WDR20: variants seen among roughly 807,000 people sequenced by gnomAD.
The protein encoded by WDR20 is WD repeat-containing protein 20.
Under a neutral mutation model 38.7 loss-of-function variants are expected in WDR20, and 3 were observed. The ratio of observed to expected loss-of-function variants is 0.08; its 90% CI spans 0.04 to 0.20. The LOEUF (loss-of-function observed/expected upper bound fraction) is 0.20. Ranked by LOEUF, WDR20 falls within the 10% of genes least tolerant of loss-of-function variation. WDR20 has a pLI of 1.00. For missense variants in WDR20, 559 were observed against 727.7 expected (o/e 0.77, Z 2.67); for synonymous variants, 298 against 285.6 (o/e 1.04, Z -0.44).
At chr14:102,197,922 C>A in intron 2 of WDR20, 1 of 654,532 alleles carries the variant, frequency 1.5e-6, no homozygotes, top group Non-Finnish European at 2.8e-6. Context: ...CTACCACATG[C>A]CCAGCACTGG....
chr14:102,202,158 C>A (rs915585479), intron 2 of WDR20, among the ~76,000 whole-genome samples: 1 of 151,976 alleles, frequency 6.6e-6, no homozygotes, highest in South Asian at 2.1e-4. Flanking sequence ...CCCCACCCTG[C>A]TTCCCTGTGC....
chr14:102,195,069 C>G lies in WDR20; in HGVS notation c.381C>G (p.Val127=), dbSNP rs1032840789. ...TAGTGGGCTTTTCCGCAGGCCAAGTCCAGCTTATAGACCCAATCAAAAAAG... is the reference window on the plus strand; with the variant it reads ...TAGTGGGCTTTTCCGCAGGCCAAGTGCAGCTTATAGACCCAATCAAAAAAG... ...SLLVGFSAGQ[V]QLIDPIKKET... is the part of the protein sequence containing the mutation. The change falls in exon 2 of 3, where the codon GTC becomes GTG. Residue 127 remains valine, a synonymous_variant. Coordinates refer to ENST00000342702, the MANE Select transcript of WDR20 (RefSeq NM_144574.4). 1.3e-5 allele frequency: 21 copies of G among 1,614,092 alleles called. No individual in the cohort carries two copies. Among genetic ancestry groups the G allele is most frequent in the Non-Finnish European group, 1.7e-5 (20 of 1,180,048 alleles).
At chr14:102,149,504 T>G (rs1210525179) in intron 1 of WDR20, among the ~76,000 whole-genome samples, 1 of 152,254 alleles carries the variant, frequency 6.6e-6, no homozygotes, top group Non-Finnish European at 1.5e-5. Context: ...TAAAATGTTG[T>G]GTGCAGATCA....
At chr14:102,219,283 G>A (rs192670088), downstream of WDR20, among the ~76,000 whole-genome samples, 249 of 152,306 alleles carry the variant, frequency 1.6e-3, no homozygotes, top group African/African-American at 5.7e-3. Context: ...TGTTCACCAC[G>A]GCAAAGTGAG....
At chr14:102,142,504 A>G (rs955117870) in intron 1 of WDR20, among the ~76,000 whole-genome samples, 1 of 152,032 alleles carries the variant, frequency 6.6e-6, no homozygotes, top group Non-Finnish European at 1.5e-5. Context: ...CCTAGGCTGG[A>G]GTGCGGTGGC....
intron 1 of WDR20, among the ~76,000 whole-genome samples, chr14:102,193,133 T>C (rs1311857286): frequency 6.6e-6 from 1 of 151,018 alleles, no homozygotes; most frequent in Non-Finnish European, 1.5e-5. Flanking sequence ...GGTTTTTTTT[T>C]TGTTTTTTTT....
chr14:102,197,146 T>C (rs1011014649), intron 2 of WDR20, among the ~76,000 whole-genome samples: 1 of 152,018 alleles, frequency 6.6e-6, no homozygotes, highest in East Asian at 1.9e-4. Context: ...ATTTTACAGA[T>C]GAGGAAATAG....
At chr14:102,180,621 C>T (rs1353646322) in intron 1 of WDR20, among the ~76,000 whole-genome samples, 1 of 152,044 alleles carries the variant, frequency 6.6e-6, no homozygotes, top group African/African-American at 2.4e-5. Flanking sequence ...AAAGTGGGGA[C>T]GTTGTGTTAT....
downstream of WDR20, among the ~76,000 whole-genome samples, chr14:102,219,467 C>A (rs1448796504): frequency 6.6e-6 from 1 of 152,270 alleles, no homozygotes; most frequent in Non-Finnish European, 1.5e-5. Context: ...GCAGGCCCAG[C>A]ACACTCCAGG....
At chr14:102,194,252 C>T (rs187854828) in intron 1 of WDR20, among the ~76,000 whole-genome samples, 18 of 152,274 alleles carry the variant, frequency 1.2e-4, no homozygotes, top group Admixed American at 7.8e-4. Flanking sequence ...ATTATGGCCT[C>T]GATAAGTAAT....
At chr14:102,193,268 C>T (rs1039529931) in intron 1 of WDR20, among the ~76,000 whole-genome samples, 3 of 152,110 alleles carry the variant, frequency 2.0e-5, no homozygotes, top group Admixed American at 2.0e-4. Context: ...CCGTGGCCAT[C>T]GTCCCAGGCC....
chr14:102,168,948 C>T (rs957146991), intron 1 of WDR20, among the ~76,000 whole-genome samples: 1 of 152,220 alleles, frequency 6.6e-6, no homozygotes, highest in Non-Finnish European at 1.5e-5. Context: ...ATCGTTTAAA[C>T]AGTATAGGTC....
intron 1 of WDR20, among the ~76,000 whole-genome samples, chr14:102,144,495 A>AG (rs2052838820): frequency 6.6e-6 from 1 of 151,816 alleles, no homozygotes; most frequent in East Asian, 1.9e-4. Flanking sequence ...AAAAAAAAAA[A>AG]AAGATTGTTT....
chr14:102,197,906 G>C (rs915244505), intron 2 of WDR20: 2 of 675,452 alleles, frequency 3.0e-6, no homozygotes, highest in Non-Finnish European at 5.4e-6. Context: ...TCAGGACCTT[G>C]ACTACCTACC....
intron 2 of WDR20, among the ~76,000 whole-genome samples, chr14:102,201,485 A>G (rs567160358): frequency 2.2e-4 from 33 of 152,284 alleles, no homozygotes; most frequent in Non-Finnish European, 3.4e-4. Flanking sequence ...CATTTTAACT[A>G]GTGTATTTTG....
At chr14:102,214,108 G>A (rs2062910010), downstream of WDR20, 2 of 985,594 alleles carry the variant, frequency 2.0e-6, no homozygotes, top group Non-Finnish European at 2.4e-6. Context: ...GCCCTTGGCT[G>A]AGGTTTCGTT....
At position 102,202,385 on chromosome 14, in the gene WDR20, T is replaced by G. The variant is rs1239577504; in HGVS notation, c.433-6218T>G. ...CCCTGTATGGAGGTTTTTTTTTTTT[T>G]TTTTTTTTTTTTGAGACGGAGTCTC... On this transcript the variant is annotated intron_variant, in intron 2 of 2. Transcript: ENST00000342702. Among the ~76,000 whole-genome samples the G allele has an allele frequency of 3.6e-5, 5 of 138,984 alleles. No homozygotes were observed. The East Asian group carries it at 6.4e-4, about 18-fold the overall frequency. 91.2% of individuals were successfully genotyped at this position (138,984 alleles called of 152,430 possible).
In WDR20 at chr14:102,209,733, C is replaced by G. The variant is rs542666708; in HGVS notation, c.1563C>G (p.Pro521=). ...TGTGTCCTCGAATGGAAGATGTTCC[C>G]TTGTTAGAGCCGCTGATATGTAAAA... ...TPLCPRMEDV[P]LLEPLICKKI... The change falls in exon 3 of 3, where the codon CCC becomes CCG. Residue 521 remains proline (P), a synonymous_variant. Coordinates refer to ENST00000342702, the MANE Select transcript of WDR20 (RefSeq NM_144574.4). This position sits in a 1 kb window ranked among gnomAD's most constrained non-coding sequence, Gnocchi z 6.0. The G allele has an allele frequency of 2.5e-6, 4 of 1,614,074 alleles. No individual in the cohort carries two copies. The South Asian group carries it at 3.3e-5, about 13-fold the overall frequency.
At chr14:102,153,798 AG>A (rs2056723461) in intron 1 of WDR20, among the ~76,000 whole-genome samples, 2 of 152,190 alleles carry the variant, frequency 1.3e-5, no homozygotes, top group South Asian at 4.1e-4. Context: ...CTTGCTGTTT[AG>A]ATCACAGCTG....
Sources: gnomAD v4.1 joint callset for allele counts (sites outside exome capture counted in the v4.1 genomes callset) on GRCh38, gnomAD v4.1.1 for gene constraint, Gnocchi (gnomAD v3.1) non-coding constraint, MANE v1.5 for transcripts, NCBI Gene and HGNC (gene_info 2026-07-23, HGNC 2026-07-21) for gene names.